TPST1: variants seen among roughly 807,000 people sequenced by gnomAD.
The protein encoded by TPST1 is tyrosylprotein sulfotransferase 1.
In TPST1, 20 loss-of-function variants were observed where a neutral mutation model predicts 34.8. That is an observed-to-expected ratio of 0.57 (90% CI 0.40 to 0.84). The LOEUF (loss-of-function observed/expected upper bound fraction) is 0.84. Among genes scored for constraint, TPST1 ranks in the 40% least tolerant of loss-of-function variants. TPST1 has a pLI of 0.00. For missense variants in TPST1, 353 were observed against 455.5 expected (o/e 0.78, Z 2.05); for synonymous variants, 152 against 159.4 (o/e 0.95, Z 0.35).
chr7:66,199,294 CTTT>C, the TPST1 span, among the ~76,000 whole-genome samples: 1 of 125,876 alleles, frequency 7.9e-6, no homozygotes. Flanking sequence ...TCATCTCCTT[CTTT>C]TTTTTTTTTT....
rs766408125 is a variant in TPST1 at position 66,352,485 on chromosome 7, C to T, written c.1045-20C>T. Reference sequence around the variant, plus strand: ...GACTGGACCTGTTGCCTTAAACTCACGCCTGCTTTGTTTTTCCAGGTCTAT... The same window carrying T: ...GACTGGACCTGTTGCCTTAAACTCATGCCTGCTTTGTTTTTCCAGGTCTAT... On this transcript the variant is annotated intron_variant, in intron 3 of 5. Coordinates refer to ENST00000304842, the MANE Select transcript of TPST1 (RefSeq NM_003596.4). 106 of 1,610,090 alleles carry T rather than the reference C, an allele frequency of 6.6e-5. No individual in the cohort carries two copies. The highest frequency in any genetic ancestry group is 4.2e-4 in the East Asian group (19 of 44,850).
At chr7:66,352,456 T>G (rs776272092) in intron 3 of TPST1, 49 bp from the exon 4 acceptor site, 2 of 1,595,052 alleles carry the variant, frequency 1.3e-6, no homozygotes, top group Non-Finnish European at 1.7e-6. Flanking sequence ...CCTGCAATGA[T>G]GGGGACTGGA....
At chr7:66,248,858 A>G (rs1790206828) in intron 2 of TPST1, among the ~76,000 whole-genome samples, 1 of 152,142 alleles carries the variant, frequency 6.6e-6, no homozygotes, top group African/African-American at 2.4e-5. Flanking sequence ...GTCTTAGTCC[A>G]TTTGGGCTGC....
chr7:66,285,194 T>TATA (rs1253047225), intron 2 of TPST1, among the ~76,000 whole-genome samples: 1 of 152,192 alleles, frequency 6.6e-6, no homozygotes, highest in Non-Finnish European at 1.5e-5. Flanking sequence ...GCAATACATA[T>TATA]ATAACATCCT....
chr7:66,217,989 C>T (rs909481214), intron 1 of TPST1, among the ~76,000 whole-genome samples: 2 of 152,048 alleles, frequency 1.3e-5, no homozygotes, highest in African/African-American at 4.8e-5. Flanking sequence ...AAGCAATTCT[C>T]CTGCCTCAGC....
intron 2 of TPST1, among the ~76,000 whole-genome samples, chr7:66,242,557 C>A (rs1328440408): frequency 6.6e-6 from 1 of 152,018 alleles, no homozygotes; most frequent in South Asian, 2.1e-4. Flanking sequence ...TTTATTGATT[C>A]AAAGAAAATT....
chr7:66,325,134 C>G (rs1400848383), intron 3 of TPST1, among the ~76,000 whole-genome samples: 1 of 152,126 alleles, frequency 6.6e-6, no homozygotes, highest in Non-Finnish European at 1.5e-5. Flanking sequence ...CAAGAGGAAG[C>G]AAGGCACTTT....
At chr7:66,201,757 G>C (rs1006432943), upstream of TPST1, among the ~76,000 whole-genome samples, 117 of 151,780 alleles carry the variant, frequency 7.7e-4, 2 homozygotes, top group Non-Finnish European at 4.0e-4. Context: ...GGAGGCTGAG[G>C]TGGGAGGATC....
At chr7:66,200,751 G>C (rs918971841), upstream of TPST1, among the ~76,000 whole-genome samples, 1 of 151,806 alleles carries the variant, frequency 6.6e-6, no homozygotes, top group Admixed American at 6.6e-5. Context: ...TTTTGAGACA[G>C]AGATTTGCGC....
chr7:66,231,873 G>A (rs1789804633), intron 1 of TPST1, among the ~76,000 whole-genome samples: 1 of 152,276 alleles, frequency 6.6e-6, no homozygotes, highest in Non-Finnish European at 1.5e-5. Context: ...AGCAAGGGCT[G>A]TGAGGACTGC....
intron 3 of TPST1, among the ~76,000 whole-genome samples, chr7:66,299,424 G>T (rs1199273303): frequency 6.7e-6 from 1 of 149,736 alleles, no homozygotes; most frequent in Non-Finnish European, 1.5e-5. Flanking sequence ...ACATTAAAAA[G>T]ATACTATTTT....
chr7:66,336,073 G>A (rs1166617214), intron 3 of TPST1, among the ~76,000 whole-genome samples: 1 of 152,230 alleles, frequency 6.6e-6, no homozygotes, highest in African/African-American at 2.4e-5. Context: ...CACTTTGGGA[G>A]GCCGAGGTGG....
chr7:66,326,970 GA>G (rs1293390028), intron 3 of TPST1, among the ~76,000 whole-genome samples: 1 of 152,174 alleles, frequency 6.6e-6, no homozygotes, highest in Non-Finnish European at 1.5e-5. Context: ...TGAAACAAAT[GA>G]AAATATGTAA....
intron 3 of TPST1, among the ~76,000 whole-genome samples, chr7:66,297,414 T>TC (rs1246587718): frequency 6.6e-6 from 1 of 151,960 alleles, no homozygotes; most frequent in Non-Finnish European, 1.5e-5. Flanking sequence ...ACCTTGAGAG[T>TC]GGGGATGATG....
chr7:66,317,186 CA>C (rs1300694071), intron 3 of TPST1, among the ~76,000 whole-genome samples: 4 of 152,138 alleles, frequency 2.6e-5, no homozygotes, highest in Non-Finnish European at 4.4e-5. Context: ...TGAATGTGTT[CA>C]AAAATCTGTA....
At chr7:66,320,874 AGTT>A (rs1192651136) in intron 3 of TPST1, among the ~76,000 whole-genome samples, 8 of 152,226 alleles carry the variant, frequency 5.3e-5, no homozygotes, top group Non-Finnish European at 8.8e-5. Flanking sequence ...CTGGGATTAC[AGTT>A]GTGAGCCACC....
At chr7:66,240,130 G>A (rs374316080) in intron 1 of TPST1, among the ~76,000 whole-genome samples, 195 bp from the exon 2 acceptor site, 6 of 151,744 alleles carry the variant, frequency 4.0e-5, no homozygotes, top group Non-Finnish European at 2.9e-5. Context: ...CTCGTGATCC[G>A]CCCGCCTCGG....
At chr7:66,339,633 A>G (rs948778737) in intron 3 of TPST1, among the ~76,000 whole-genome samples, 1 of 152,076 alleles carries the variant, frequency 6.6e-6, no homozygotes, top group African/African-American at 2.4e-5. Context: ...GTGCAACAAT[A>G]CATTAAAAAG....
intron 2 of TPST1, among the ~76,000 whole-genome samples, chr7:66,275,457 C>G (rs1289960973): frequency 1.3e-5 from 2 of 152,062 alleles, no homozygotes; most frequent in African/African-American, 4.8e-5. Context: ...TCACAATAGC[C>G]AAGATATCAA....
Sources: gnomAD v4.1 joint callset for allele counts (sites outside exome capture counted in the v4.1 genomes callset) on GRCh38, gnomAD v4.1.1 for gene constraint, MANE v1.5 for transcripts, NCBI Gene and HGNC (gene_info 2026-07-23, HGNC 2026-07-21) for gene names.